OCA2: variants seen among roughly 807,000 people sequenced by gnomAD.
The protein encoded by OCA2 is P protein.
Under a neutral mutation model 100.2 loss-of-function variants are expected in OCA2, and 77 were observed. That is an observed-to-expected ratio of 0.77 (90% CI 0.64 to 0.93). The LOEUF (loss-of-function observed/expected upper bound fraction) is 0.93, where lower values mean the gene tolerates loss of function less well. Ranked by LOEUF, OCA2 falls within the 40% of genes least tolerant of loss-of-function variation. The pLI is 0.00. For missense variants in OCA2, 1,062 were observed against 1,089.1 expected (o/e 0.98, Z 0.35); for synonymous variants, 432 against 439.2 (o/e 0.98, Z 0.21).
At chr15:28,052,862 T>C (rs1033973292) in intron 2 of OCA2, among the ~76,000 whole-genome samples, 4 of 152,144 alleles carry the variant, frequency 2.6e-5, no homozygotes, top group Admixed American at 2.6e-4. Context: ...AAGGGGGTAA[T>C]GGACAGGTGA....
intron 23 of OCA2, among the ~76,000 whole-genome samples, chr15:27,832,970 C>A (rs1448715589): frequency 1.3e-5 from 2 of 150,716 alleles, no homozygotes; most frequent in Admixed American, 1.3e-4. Flanking sequence ...TATGCCACCA[C>A]GCCCAGCTGA....
At chr15:27,725,357 A>G in the OCA2 span, among the ~76,000 whole-genome samples, 2,521 of 152,268 alleles carry the variant, frequency 0.017, 72 homozygotes, top group African/African-American at 0.058. Context: ...TGGGTGGATC[A>G]CCTGAGGTCA....
the OCA2 span, among the ~76,000 whole-genome samples, chr15:27,724,865 A>G: frequency 6.6e-6 from 1 of 152,046 alleles, no homozygotes; most frequent in Non-Finnish European, 1.5e-5. Flanking sequence ...GCTTGGATAA[A>G]GTCAATCAGG....
chr15:28,020,440 C>A, intron 6 of OCA2, among the ~76,000 whole-genome samples: 1 of 151,976 alleles, frequency 6.6e-6, no homozygotes, highest in East Asian at 1.9e-4. Flanking sequence ...TGGACAGGAT[C>A]CAGCCTCCCC....
In OCA2 at chr15:27,881,558, G is replaced by A. The variant is rs183658074; in HGVS notation, c.2080-9636C>T. The stretch of plus-strand genomic sequence containing the variant: ...GCCTCAATTTCAGAACTTGCTATTG[G>A]TCTATTCAGGGATTCAACTTCTTCC... On this transcript the variant is annotated intron_variant, in intron 19 of 23. Coordinates refer to ENST00000354638, the MANE Select transcript of OCA2 (RefSeq NM_000275.3). Among the ~76,000 whole-genome samples, 1,130 of 152,228 alleles carry A rather than the reference G, an allele frequency of 7.4e-3. 6 individuals are homozygous for A. Among genetic ancestry groups the A allele is most frequent in the Non-Finnish European group, 0.011 (721 of 68,018 alleles).
At chr15:27,741,887 A>C in the OCA2 span, among the ~76,000 whole-genome samples, 1 of 152,242 alleles carries the variant, frequency 6.6e-6, no homozygotes, top group Non-Finnish European at 1.5e-5. Flanking sequence ...CATTATTGTT[A>C]CACGATTAAC....
intron 23 of OCA2, among the ~76,000 whole-genome samples, chr15:27,760,218 C>A (rs1259015899): frequency 6.6e-6 from 1 of 151,838 alleles, no homozygotes; most frequent in Non-Finnish European, 1.5e-5. Context: ...AATGGAGCAT[C>A]ATTTTCTAAT....
intron 23 of OCA2, among the ~76,000 whole-genome samples, chr15:27,837,147 G>T (rs1366824199): frequency 6.6e-6 from 1 of 152,200 alleles, no homozygotes; most frequent in African/African-American, 2.4e-5. Flanking sequence ...CCCAGTGAGG[G>T]AATCTAACAT....
intron 19 of OCA2, among the ~76,000 whole-genome samples, chr15:27,925,701 T>C (rs182894423): frequency 6.6e-6 from 1 of 152,308 alleles, no homozygotes; most frequent in Admixed American, 6.5e-5. Context: ...GTAACAACAA[T>C]TGTAATGGAA....
intron 19 of OCA2, among the ~76,000 whole-genome samples, chr15:27,916,656 C>A (rs12440344): frequency 0.19 from 29,317 of 152,150 alleles, 4,105 homozygotes; most frequent in East Asian, 0.62. Context: ...TTTCAGGGGA[C>A]AAGATGCCTA....
chr15:27,835,357 T>A (rs2035108588), intron 23 of OCA2, among the ~76,000 whole-genome samples: 1 of 152,180 alleles, frequency 6.6e-6, no homozygotes, highest in South Asian at 2.1e-4. Flanking sequence ...CCTTCCCCTG[T>A]TTCTAGGGCC....
chr15:27,972,478 C>T (rs546998343), intron 14 of OCA2, among the ~76,000 whole-genome samples: 177 of 152,340 alleles, frequency 1.2e-3, no homozygotes, highest in African/African-American at 4.0e-3. Context: ...AGTGTATAAG[C>T]ATTCCCTTTT....
At chr15:27,730,982 T>G in the OCA2 span, among the ~76,000 whole-genome samples, 2 of 151,540 alleles carry the variant, frequency 1.3e-5, no homozygotes. Context: ...AGTTAAAAAT[T>G]TTTTTTATTT....
intron 14 of OCA2, among the ~76,000 whole-genome samples, chr15:27,978,185 T>C (rs1327192379): frequency 6.6e-6 from 1 of 152,248 alleles, no homozygotes; most frequent in Non-Finnish European, 1.5e-5. Context: ...TGAATCTTTT[T>C]AAGTTTATTG....
intron 21 of OCA2, among the ~76,000 whole-genome samples, chr15:27,865,747 C>T (rs970023120): frequency 2.6e-5 from 4 of 152,174 alleles, no homozygotes; most frequent in South Asian, 2.1e-4. Flanking sequence ...AGGGCACAAA[C>T]GTTACAGAAT....
the OCA2 span, among the ~76,000 whole-genome samples, chr15:27,720,433 A>G: frequency 1.1e-3 from 163 of 150,022 alleles, no homozygotes; most frequent in African/African-American, 3.9e-3. Flanking sequence ...TGCTCAGCCT[A>G]GTAATTTTGA....
downstream of OCA2, among the ~76,000 whole-genome samples, chr15:27,754,174 A>C (rs1380197888): frequency 6.6e-6 from 1 of 152,164 alleles, no homozygotes; most frequent in Admixed American, 6.5e-5. Flanking sequence ...CTACGGTTGC[A>C]CGTCAGCTTT....
At chr15:28,096,176 GTC>G (rs971439537) in intron 1 of OCA2, among the ~76,000 whole-genome samples, 26 of 149,664 alleles carry the variant, frequency 1.7e-4, no homozygotes, top group Admixed American at 6.6e-5. Flanking sequence ...GGCGTGGCTT[GTC>G]TCCAAGGCGT....
chr15:27,774,950 T>G (rs1387223149), intron 23 of OCA2, among the ~76,000 whole-genome samples: 2 of 152,172 alleles, frequency 1.3e-5, no homozygotes, highest in Non-Finnish European at 2.9e-5. Context: ...CTACCCAGGC[T>G]GTGGTACTTT....
Sources: allele counts gnomAD v4.1 joint callset (sites outside exome capture counted in the v4.1 genomes callset), GRCh38; gene constraint gnomAD v4.1.1; transcripts MANE v1.5; gene names NCBI Gene and HGNC (gene_info 2026-07-23, HGNC 2026-07-21).